The following CYTH3 variants were observed in gnomAD, a reference collection of about 807,000 sequenced individuals.
CYTH3 encodes the protein cytohesin 3.
A neutral mutation model predicts 55.1 loss-of-function variants in CYTH3; 23 were observed. That is an observed-to-expected ratio of 0.42 (90% CI 0.30 to 0.59). The LOEUF (loss-of-function observed/expected upper bound fraction) is 0.59, where lower values mean the gene tolerates loss of function less well. Ranked by LOEUF, CYTH3 falls within the 20% of genes least tolerant of loss-of-function variation. CYTH3 has a pLI of 0.20. For synonymous variants in CYTH3, 249 were observed against 194.9 expected, an observed-to-expected ratio of 1.28 and a Z score of -2.31; for missense variants, 413 against 524.8, an observed-to-expected ratio of 0.79 and a Z score of 2.08.
chr7:6,216,327 C>G (rs983408069), intron 1 of CYTH3, among the ~76,000 whole-genome samples: 1 of 151,864 alleles, frequency 6.6e-6, no homozygotes, highest in Non-Finnish European at 1.5e-5. Flanking sequence ...AGTGACACCC[C>G]CAGTAGATGG....
At chr7:6,204,385 T>C (rs1469824126) in intron 1 of CYTH3, among the ~76,000 whole-genome samples, 2 of 152,210 alleles carry the variant, frequency 1.3e-5, no homozygotes, top group Non-Finnish European at 2.9e-5. Context: ...CCAGATCCTC[T>C]TATTCTGCCA....
chr7:6,237,435 T>C lies in CYTH3; in HGVS notation c.34+35039A>G, dbSNP rs141357789. Among the ~76,000 whole-genome samples the C allele has an allele frequency of 1.2e-4, 18 of 152,130 alleles. No homozygotes were observed. In the East Asian group the frequency reaches 3.3e-3, roughly 28 times the overall value. Reference sequence around the variant, plus strand: ...TCTATTAAAAACACATGCAGCCCGGTGTGGTGGCTCACACCTGTAATCCCA... The same window carrying C: ...TCTATTAAAAACACATGCAGCCCGGCGTGGTGGCTCACACCTGTAATCCCA... On this transcript the variant is annotated intron_variant, in intron 1 of 12. Transcript: ENST00000350796.
At position 6,171,130 on chromosome 7, in the gene CYTH3, CCACAGGGGCCG is replaced by C. The variant is rs1783177986; in HGVS notation, c.562+61_562+71del. On this transcript the variant is annotated intron_variant, in intron 7 of 12. Coordinates refer to ENST00000350796, the MANE Select transcript of CYTH3 (RefSeq NM_004227.4). The surrounding 1 kb of genome is among the most constrained non-coding windows in gnomAD (Gnocchi z 6.7). ...CCCAGGAACACACGCTGGGCTGTGC[CCACAGGGGCCG>C]CCCCCTCCAGAGCTGGAGGCTGTGC... 3 of 1,593,884 alleles carry C rather than the reference CCACAGGGGCCG, an allele frequency of 1.9e-6. No homozygotes were observed. The East Asian group carries it at 6.7e-5, about 36-fold the overall frequency.
At chr7:6,254,905 T>G (rs1263028089) in intron 1 of CYTH3, among the ~76,000 whole-genome samples, 2 of 152,234 alleles carry the variant, frequency 1.3e-5, no homozygotes, top group African/African-American at 2.4e-5. Flanking sequence ...TTCTGTAGAT[T>G]TGAACATTTT....
chr7:6,222,851 A>G (rs1784583316), intron 1 of CYTH3, among the ~76,000 whole-genome samples: 1 of 152,306 alleles, frequency 6.6e-6, no homozygotes, highest in African/African-American at 2.4e-5. Context: ...GGTGACGGTT[A>G]ACTCTTATTT....
chr7:6,266,483 C>T (rs1271709765), intron 1 of CYTH3, among the ~76,000 whole-genome samples: 1 of 152,174 alleles, frequency 6.6e-6, no homozygotes, highest in African/African-American at 2.4e-5. Flanking sequence ...AATCTTTCAG[C>T]GGCTTCATGT....
chr7:6,230,513 C>A (rs1011341434), intron 1 of CYTH3, among the ~76,000 whole-genome samples: 1 of 152,184 alleles, frequency 6.6e-6, no homozygotes. Context: ...ACTTAAAATT[C>A]TGTGTCTTAG....
intron 4 of CYTH3, among the ~76,000 whole-genome samples, chr7:6,179,844 A>C (rs1019927653): frequency 8.5e-6 from 1 of 117,102 alleles, no homozygotes; most frequent in Non-Finnish European, 1.7e-5. Flanking sequence ...CACATACACC[A>C]CACCACAGAC....
intron 4 of CYTH3, among the ~76,000 whole-genome samples, chr7:6,185,479 A>C (rs112343961): frequency 0.017 from 2,602 of 151,954 alleles, 72 homozygotes; most frequent in African/African-American, 0.06. Flanking sequence ...GGCAGATCAC[A>C]AGGTCAGGAG....
intron 1 of CYTH3, among the ~76,000 whole-genome samples, chr7:6,242,655 G>A (rs1047113035): frequency 3.3e-5 from 5 of 152,126 alleles, no homozygotes; most frequent in Admixed American, 2.0e-4. Flanking sequence ...GATTACAGGC[G>A]TGAAGAGGGG....
Position 6,164,827 on chromosome 7 carries a change from AG to A in CYTH3, c.*116del. Reference sequence around the variant, plus strand: ...CCACCTGGGCCACGGTATGCTCTGGAGCAGCAGCTTGCACCGCAGGGCGACT... The same window carrying A: ...CCACCTGGGCCACGGTATGCTCTGGACAGCAGCTTGCACCGCAGGGCGACT... On this transcript the variant is annotated 3_prime_UTR_variant, in exon 13 of 13. Coordinates refer to ENST00000350796, the MANE Select transcript of CYTH3 (RefSeq NM_004227.4). The A allele has an allele frequency of 8.7e-7, 1 of 1,150,094 alleles. No homozygotes were observed. 71.2% of individuals were successfully genotyped at this position (1,150,094 alleles called of 1,614,324 possible).
intron 1 of CYTH3, among the ~76,000 whole-genome samples, chr7:6,223,382 T>A (rs1445802278): frequency 1.3e-5 from 2 of 152,056 alleles, no homozygotes; most frequent in African/African-American, 2.4e-5. Context: ...GGCGGTTTTG[T>A]CGAAAAGAAA....
In CYTH3 at chr7:6,170,813, CGGGCCGG is replaced by C; in HGVS notation, c.711+10_711+16del. 1 of 1,602,784 alleles carries C rather than the reference CGGGCCGG, an allele frequency of 6.2e-7. No individual in the cohort carries two copies. Among genetic ancestry groups the C allele is most frequent in the Non-Finnish European group, 8.5e-7 (1 of 1,174,578 alleles). ...GAGATCCTGCAGACGGCAGCGGCCG[CGGGCCGG>C]GGAGCTCACCCTCAGCAGCTCCTCA... On this transcript the variant is annotated intron_variant, in intron 8 of 12. Coordinates refer to ENST00000350796, the MANE Select transcript of CYTH3 (RefSeq NM_004227.4). This position sits in a 1 kb window ranked among gnomAD's most constrained non-coding sequence, Gnocchi z 7.8.
At chr7:6,256,031 G>A (rs572348370) in intron 1 of CYTH3, among the ~76,000 whole-genome samples, 48 of 152,182 alleles carry the variant, frequency 3.2e-4, no homozygotes, top group African/African-American at 1.2e-3. Context: ...CCAAAGTGCT[G>A]GGATTACAGG....
intron 1 of CYTH3, among the ~76,000 whole-genome samples, chr7:6,258,239 G>A (rs780918437): frequency 2.0e-5 from 3 of 151,686 alleles, no homozygotes; most frequent in Non-Finnish European, 2.9e-5. Context: ...CTGGAGCCAA[G>A]GAGGTTGAGA....
At chr7:6,221,022 C>T (rs1784537986) in intron 1 of CYTH3, among the ~76,000 whole-genome samples, 3 of 151,994 alleles carry the variant, frequency 2.0e-5, no homozygotes, top group Admixed American at 2.0e-4. Context: ...CATACACTTA[C>T]CATGTGATCC....
At chr7:6,182,490 G>A (rs770255105) in intron 4 of CYTH3, among the ~76,000 whole-genome samples, 10 of 152,094 alleles carry the variant, frequency 6.6e-5, no homozygotes, top group Non-Finnish European at 1.5e-4. Context: ...TGGACTACAG[G>A]CACATGCCAC....
At chr7:6,248,202 T>C (rs1779870177) in intron 1 of CYTH3, among the ~76,000 whole-genome samples, 1 of 149,798 alleles carries the variant, frequency 6.7e-6, no homozygotes. Context: ...TCTTTATTTC[T>C]GAACAATAGT....
chr7:6,190,787 T>G (rs892395479), intron 1 of CYTH3, among the ~76,000 whole-genome samples: 10 of 152,108 alleles, frequency 6.6e-5, no homozygotes, highest in African/African-American at 2.4e-4. Context: ...AACAAAAATA[T>G]TTTTTCAGGC....
Sources: gnomAD v4.1 joint callset for allele counts (sites outside exome capture counted in the v4.1 genomes callset) on GRCh38, gnomAD v4.1.1 for gene constraint, Gnocchi (gnomAD v3.1) non-coding constraint, MANE v1.5 for transcripts, NCBI Gene and HGNC (gene_info 2026-07-23, HGNC 2026-07-21) for gene names.